CSMD1: variants seen among roughly 807,000 people sequenced by gnomAD.
CSMD1 encodes the protein CUB and sushi domain-containing protein 1.
CSMD1 carries 213 observed loss-of-function variants against 417.5 expected under a neutral mutation model. The ratio of observed to expected loss-of-function variants is 0.51; its 90% CI spans 0.46 to 0.57. The LOEUF (loss-of-function observed/expected upper bound fraction) is 0.57. Ranked by LOEUF, CSMD1 falls within the 20% of genes least tolerant of loss-of-function variation. The pLI is 0.00. For missense variants in CSMD1, 6,923 were observed against 4,529.7 expected, an observed-to-expected ratio of 1.53 and a Z score of -15.17; for synonymous variants, 2,862 against 1,736.8, an observed-to-expected ratio of 1.65 and a Z score of -16.11.
In CSMD1 at chr8:4,268,761, A is replaced by AC. The variant is rs568207372; in HGVS notation, c.415+151191dup. Reference sequence around the variant, plus strand: ...ATTCTATTAAATTGCTAAAAAAAAAACCCACAAATATCTGAATAACATCGA... The same window carrying AC: ...ATTCTATTAAATTGCTAAAAAAAAAACCCCACAAATATCTGAATAACATCGA... On this transcript the variant is annotated intron_variant, in intron 3 of 69. Coordinates refer to ENST00000635120, the MANE Select transcript of CSMD1 (RefSeq NM_033225.6). 2.3e-3 allele frequency among the ~76,000 whole-genome samples: 352 copies of AC among 151,848 alleles called. 2 individuals are homozygous for AC. Among genetic ancestry groups the AC allele is most frequent in the South Asian group, 6.4e-3 (31 of 4,812 alleles).
At chr8:3,805,203 G>T (rs1800663222) in intron 5 of CSMD1, among the ~76,000 whole-genome samples, 1 of 152,132 alleles carries the variant, frequency 6.6e-6, no homozygotes, top group Non-Finnish European at 1.5e-5. Context: ...CATGACAAGG[G>T]AAGGAGTCAG....
intron 54 of CSMD1, among the ~76,000 whole-genome samples, chr8:2,994,930 C>G (rs1442973665): frequency 5.9e-5 from 9 of 152,046 alleles, no homozygotes; most frequent in Admixed American, 5.9e-4. Flanking sequence ...CAAAATGGAT[C>G]ACAGACTTTA....
chr8:4,212,491 C>T (rs373771508), intron 3 of CSMD1, among the ~76,000 whole-genome samples: 59 of 151,922 alleles, frequency 3.9e-4, no homozygotes, highest in Admixed American at 1.3e-3. Context: ...CAGATGGAAG[C>T]GATCCTAAAG....
At chr8:3,175,139 T>C (rs1370830120) in intron 37 of CSMD1, among the ~76,000 whole-genome samples, 1 of 152,190 alleles carries the variant, frequency 6.6e-6, no homozygotes. Context: ...TATTTATGTT[T>C]AGTTTATAAC....
At chr8:3,747,232 G>C (rs1304966817) in intron 6 of CSMD1, among the ~76,000 whole-genome samples, 2 of 152,136 alleles carry the variant, frequency 1.3e-5, no homozygotes, top group South Asian at 2.1e-4. Flanking sequence ...TCTCGCATGA[G>C]AGTTGAAGCT....
At position 4,828,331 on chromosome 8, in the gene CSMD1, G is replaced by A. The variant is rs150778396; in HGVS notation, c.85+166001C>T. On this transcript the variant is annotated intron_variant, in intron 1 of 69. Transcript: ENST00000635120. ...GTGCTGACTTTTCTTATAGCCACAA[G>A]AAAATAAGGTAGCATAAGCCCAATT... Among the ~76,000 whole-genome samples, 916 of 152,218 alleles carry A rather than the reference G, an allele frequency of 6.0e-3. 12 individuals are homozygous for A. The highest frequency in any genetic ancestry group is 0.021 in the African/African-American group (883 of 41,538).
intron 18 of CSMD1, among the ~76,000 whole-genome samples, chr8:3,372,606 G>C (rs1246581569): frequency 6.6e-6 from 1 of 152,148 alleles, no homozygotes; most frequent in Non-Finnish European, 1.5e-5. Context: ...AAAAGGAGGA[G>C]CTGGGGGTGA....
intron 25 of CSMD1, among the ~76,000 whole-genome samples, chr8:3,292,402 G>T (rs1563233832): frequency 6.6e-6 from 1 of 152,094 alleles, no homozygotes; most frequent in Non-Finnish European, 1.5e-5. Flanking sequence ...CTGTCTCGTT[G>T]ATCTGTCTAA....
At chr8:4,926,547 G>C (rs894416890) in intron 1 of CSMD1, among the ~76,000 whole-genome samples, 1 of 151,950 alleles carries the variant, frequency 6.6e-6, no homozygotes, top group African/African-American at 2.4e-5. Flanking sequence ...TCCTTATTTA[G>C]GTACAGATGT....
intron 15 of CSMD1, among the ~76,000 whole-genome samples, chr8:3,403,997 C>A (rs1812194749): frequency 6.6e-6 from 1 of 152,054 alleles, no homozygotes; most frequent in Non-Finnish European, 1.5e-5. Flanking sequence ...GCTTCTTGTC[C>A]ACCCACAAAT....
At chr8:4,142,774 A>G (rs1398031280) in intron 3 of CSMD1, among the ~76,000 whole-genome samples, 2 of 151,112 alleles carry the variant, frequency 1.3e-5, no homozygotes, top group African/African-American at 2.5e-5. Flanking sequence ...CATTAGTGCA[A>G]AACAGGCTTC....
At chr8:4,629,283 A>G (rs1802360887) in intron 2 of CSMD1, among the ~76,000 whole-genome samples, 1 of 152,192 alleles carries the variant, frequency 6.6e-6, no homozygotes. Flanking sequence ...TATCCTACCA[A>G]TAGACATGAA....
chr8:3,378,841 C>G (rs1436021511), intron 18 of CSMD1, among the ~76,000 whole-genome samples: 1 of 152,150 alleles, frequency 6.6e-6, no homozygotes, highest in Non-Finnish European at 1.5e-5. Context: ...TGGCAAAAGA[C>G]AAGGATGCCC....
rs115044450 is a variant in CSMD1, at chr8:3,042,352, C to T, written c.7660+10110G>A. The stretch of plus-strand genomic sequence containing the variant: ...TTTCTTCCAAGCAGGTAGCAAACAG[C>T]CTCAGAAGAGAGAGGTGGATATGTA... On this transcript the variant is annotated intron_variant, in intron 50 of 69. Transcript: ENST00000635120. 3.5e-3 allele frequency among the ~76,000 whole-genome samples: 536 copies of T among 152,158 alleles called. 3 individuals carry two copies. The highest frequency in any genetic ancestry group is 0.012 in the African/African-American group (511 of 41,516).
intron 49 of CSMD1, among the ~76,000 whole-genome samples, chr8:3,081,924 G>A (rs527494292): frequency 6.6e-6 from 1 of 152,240 alleles, no homozygotes; most frequent in East Asian, 1.9e-4. Flanking sequence ...TGGACCTGAA[G>A]CACAAATGTC....
At chr8:4,542,675 T>G (rs1005043032) in intron 2 of CSMD1, among the ~76,000 whole-genome samples, 1 of 152,214 alleles carries the variant, frequency 6.6e-6, no homozygotes, top group Non-Finnish European at 1.5e-5. Context: ...CTGTATCTTA[T>G]GCGGCAGAAG....
intron 1 of CSMD1, among the ~76,000 whole-genome samples, chr8:4,722,611 G>C (rs779497628): frequency 1.3e-5 from 2 of 152,066 alleles, no homozygotes; most frequent in Non-Finnish European, 2.9e-5. Context: ...CTGAACTACA[G>C]GGTGCATAAG....
At chr8:4,592,770 CTTAG>C (rs1178021114) in intron 2 of CSMD1, among the ~76,000 whole-genome samples, 2 of 152,058 alleles carry the variant, frequency 1.3e-5, no homozygotes, top group Non-Finnish European at 2.9e-5. Flanking sequence ...AATATTTATA[CTTAG>C]TTAAAATATT....
chr8:3,968,316 T>G (rs978531660), intron 5 of CSMD1, among the ~76,000 whole-genome samples: 2 of 152,152 alleles, frequency 1.3e-5, no homozygotes, highest in Non-Finnish European at 2.9e-5. Flanking sequence ...AGCATGAGTA[T>G]TGCCTGGACA....
Sources: gnomAD v4.1 joint callset for allele counts (sites outside exome capture counted in the v4.1 genomes callset) on GRCh38, gnomAD v4.1.1 for gene constraint, MANE v1.5 for transcripts, NCBI Gene and HGNC (gene_info 2026-07-23, HGNC 2026-07-21) for gene names.